The following NKAIN2 variants were observed in gnomAD, a reference collection of about 807,000 sequenced individuals.
The protein encoded by NKAIN2 is sodium/potassium-transporting ATPase subunit beta-1-interacting protein 2.
Under a neutral mutation model 32.6 loss-of-function variants are expected in NKAIN2, and 14 were observed. The ratio of observed to expected loss-of-function variants is 0.43; its 90% confidence interval spans 0.28 to 0.67. The LOEUF is 0.67. Ranked by LOEUF, NKAIN2 falls within the 30% of genes least tolerant of loss-of-function variation. The pLI, the probability that NKAIN2 is intolerant of heterozygous loss-of-function variation, is 0.17. For synonymous variants in NKAIN2, 80 were observed against 87.2 expected (o/e 0.92, Z 0.46); for missense variants, 198 against 258.3 (o/e 0.77, Z 1.60).
intron 1 of NKAIN2, among the ~76,000 whole-genome samples, chr6:123,923,133 CA>C (rs112831094): frequency 1.2e-5 from 1 of 86,680 alleles, no homozygotes; most frequent in South Asian, 5.1e-4. Flanking sequence ...CCAAAAAAAA[CA>C]AAAAAAAGAC....
At chr6:124,262,339 G>T (rs1323472905) in intron 1 of NKAIN2, among the ~76,000 whole-genome samples, 1 of 152,138 alleles carries the variant, frequency 6.6e-6, no homozygotes, top group African/African-American at 2.4e-5. Context: ...GTGACATGGG[G>T]ATGTGACTAA....
At chr6:124,114,449 C>T (rs1582670670) in intron 1 of NKAIN2, among the ~76,000 whole-genome samples, 2 of 151,832 alleles carry the variant, frequency 1.3e-5, no homozygotes, top group Middle Eastern at 3.4e-3. Context: ...TTTTATATTC[C>T]TATTAGATAA....
At chr6:124,111,267 G>T (rs1014992436) in intron 1 of NKAIN2, among the ~76,000 whole-genome samples, 3 of 151,882 alleles carry the variant, frequency 2.0e-5, no homozygotes, top group African/African-American at 7.2e-5. Flanking sequence ...TTATCGATCT[G>T]TCTGGATGTT....
chr6:124,100,097 A>G (rs936499775), intron 1 of NKAIN2, among the ~76,000 whole-genome samples: 6 of 152,192 alleles, frequency 3.9e-5, no homozygotes, highest in African/African-American at 9.6e-5. Context: ...AATTGAACAC[A>G]GTTTATTCTT....
chr6:124,644,177 A>G (rs1340929673), intron 3 of NKAIN2, among the ~76,000 whole-genome samples: 1 of 152,174 alleles, frequency 6.6e-6, no homozygotes, highest in Non-Finnish European at 1.5e-5. Context: ...ATGACTAAAA[A>G]TGGGGTCCTT....
intron 1 of NKAIN2, among the ~76,000 whole-genome samples, chr6:123,877,913 G>A (rs963125880): frequency 6.6e-6 from 1 of 152,056 alleles, no homozygotes; most frequent in African/African-American, 2.4e-5. Flanking sequence ...AATTTCGTTA[G>A]TTAATTTTAG....
chr6:123,840,196 A>G (rs997449944), intron 1 of NKAIN2, among the ~76,000 whole-genome samples: 1 of 152,094 alleles, frequency 6.6e-6, no homozygotes, highest in Admixed American at 6.5e-5. Flanking sequence ...GTGTGTATTT[A>G]ATTACTACTG....
chr6:123,900,074 G>A (rs1309683251), intron 1 of NKAIN2, among the ~76,000 whole-genome samples: 2 of 152,182 alleles, frequency 1.3e-5, no homozygotes. Flanking sequence ...ATAGGAAAGA[G>A]GCCCCTGGCC....
At chr6:124,515,406 C>T (rs1778865982) in intron 3 of NKAIN2, among the ~76,000 whole-genome samples, 1 of 151,996 alleles carries the variant, frequency 6.6e-6, no homozygotes. Flanking sequence ...CACCTCCCAC[C>T]TCTCTCCTCC....
At chr6:124,166,929 T>C (rs1432292051) in intron 1 of NKAIN2, among the ~76,000 whole-genome samples, 1 of 150,074 alleles carries the variant, frequency 6.7e-6, no homozygotes, top group Non-Finnish European at 1.5e-5. Flanking sequence ...AGCCTTGTAG[T>C]ATAGTTTGAA....
intron 5 of NKAIN2, among the ~76,000 whole-genome samples, chr6:124,814,695 T>A (rs1350952074): frequency 2.0e-5 from 3 of 152,144 alleles, no homozygotes; most frequent in Non-Finnish European, 4.4e-5. Context: ...CCTGGCCTTT[T>A]CTTGTGTCTT....
intron 4 of NKAIN2, among the ~76,000 whole-genome samples, chr6:124,776,720 T>C (rs1225902712): frequency 6.6e-6 from 1 of 152,230 alleles, no homozygotes; most frequent in Non-Finnish European, 1.5e-5. Flanking sequence ...CTTTCTATTA[T>C]ACAGTGTTTT....
chr6:124,419,630 T>G (rs1270018474), intron 3 of NKAIN2, among the ~76,000 whole-genome samples: 1 of 152,152 alleles, frequency 6.6e-6, no homozygotes, highest in Non-Finnish European at 1.5e-5. Flanking sequence ...AAGCAACAAG[T>G]TCATAGTCCT....
intron 3 of NKAIN2, among the ~76,000 whole-genome samples, chr6:124,462,791 T>C (rs1050260434): frequency 2.0e-5 from 3 of 152,090 alleles, no homozygotes; most frequent in Non-Finnish European, 2.9e-5. Flanking sequence ...TATATCTCTA[T>C]TGAGTACCAC....
At chr6:124,483,517 A>G (rs1308752781) in intron 3 of NKAIN2, among the ~76,000 whole-genome samples, 1 of 152,144 alleles carries the variant, frequency 6.6e-6, no homozygotes, top group African/African-American at 2.4e-5. Flanking sequence ...TCAAGTTTTG[A>G]CTTTTTAGTT....
At chr6:123,997,697 A>G (rs1422785087) in intron 1 of NKAIN2, among the ~76,000 whole-genome samples, 3 of 137,992 alleles carry the variant, frequency 2.2e-5, no homozygotes, top group Non-Finnish European at 4.5e-5. Flanking sequence ...TCCGCCTTCC[A>G]GGTTCACACC....
chr6:124,471,104 A>C (rs1776954866), intron 3 of NKAIN2, among the ~76,000 whole-genome samples: 1 of 152,178 alleles, frequency 6.6e-6, no homozygotes, highest in Non-Finnish European at 1.5e-5. Flanking sequence ...AGTTGGCCTC[A>C]ACAGAAAAAG....
chr6:124,566,364 T>C (rs1412679123), intron 3 of NKAIN2, among the ~76,000 whole-genome samples: 1 of 152,164 alleles, frequency 6.6e-6, no homozygotes, highest in East Asian at 1.9e-4. Flanking sequence ...TCTCTGTCTC[T>C]CTAGTTAGCT....
chr6:123,860,222 G>A (rs946495629), intron 1 of NKAIN2, among the ~76,000 whole-genome samples: 6 of 151,958 alleles, frequency 3.9e-5, no homozygotes, highest in African/African-American at 9.7e-5. Context: ...CACAGGCTGA[G>A]GCAGGAGAGA....
Sources: allele counts gnomAD v4.1 joint callset (sites outside exome capture counted in the v4.1 genomes callset), GRCh38; gene constraint gnomAD v4.1.1; transcripts MANE v1.5; gene names NCBI Gene and HGNC (gene_info 2026-07-23, HGNC 2026-07-21).